Variants in PDGFD observed in about 807,000 individuals in gnomAD.
PDGFD encodes platelet derived growth factor D.
In PDGFD, 30 loss-of-function variants were observed where a neutral mutation model predicts 44.7. The ratio of observed to expected loss-of-function variants is 0.67; its 90% CI spans 0.50 to 0.91. The LOEUF is 0.91. PDGFD is among the 40% of genes least tolerant of loss of function. The pLI is 0.00. For synonymous variants in PDGFD, 173 were observed against 168.4 expected, an observed-to-expected ratio of 1.03 and a Z score of -0.21; for missense variants, 445 against 457.8, an observed-to-expected ratio of 0.97 and a Z score of 0.25.
intron 1 of PDGFD, among the ~76,000 whole-genome samples, chr11:104,044,706 A>T (rs1478251748): frequency 6.6e-6 from 1 of 152,164 alleles, no homozygotes; most frequent in African/African-American, 2.4e-5. Context: ...CTGCAGTGCC[A>T]TCTCATCCCA....
At chr11:103,946,917 AAAC>A (rs1024863253) in intron 4 of PDGFD, among the ~76,000 whole-genome samples, 2 of 151,982 alleles carry the variant, frequency 1.3e-5, no homozygotes, top group African/African-American at 4.8e-5. Flanking sequence ...TTAGGAAAAA[AAAC>A]AACAACTCTG....
intron 3 of PDGFD, among the ~76,000 whole-genome samples, chr11:103,977,914 C>T (rs564919648): frequency 6.6e-6 from 1 of 151,838 alleles, no homozygotes; most frequent in South Asian, 2.1e-4. Context: ...TGGTGAGGAA[C>T]CAGTAAAGTA....
intron 3 of PDGFD, among the ~76,000 whole-genome samples, chr11:103,973,807 G>A (rs1156665966): frequency 6.6e-6 from 1 of 152,170 alleles, no homozygotes; most frequent in African/African-American, 2.4e-5. Flanking sequence ...CAGGGTGTCT[G>A]GAGACAGAGT....
At chr11:104,020,458 T>C (rs544053676) in intron 1 of PDGFD, among the ~76,000 whole-genome samples, 5 of 152,272 alleles carry the variant, frequency 3.3e-5, no homozygotes, top group Non-Finnish European at 7.4e-5. Context: ...AAGAATGAGA[T>C]AATATGTATG....
At chr11:104,120,828 C>T (rs887685645) in intron 1 of PDGFD, among the ~76,000 whole-genome samples, 2 of 151,926 alleles carry the variant, frequency 1.3e-5, no homozygotes, top group Non-Finnish European at 2.9e-5. Context: ...AAGGAGCCTA[C>T]TACTGTGATT....
intron 1 of PDGFD, among the ~76,000 whole-genome samples, chr11:104,088,655 G>C (rs868049158): frequency 2.0e-4 from 31 of 152,308 alleles, no homozygotes; most frequent in Middle Eastern, 6.8e-3. Flanking sequence ...GAAGGCAGAT[G>C]GCTCCAGCAA....
At chr11:104,151,516 T>A (rs564545045) in intron 1 of PDGFD, among the ~76,000 whole-genome samples, 1 of 152,276 alleles carries the variant, frequency 6.6e-6, no homozygotes, top group South Asian at 2.1e-4. Context: ...TAGTTTAATT[T>A]ACATTCCCAA....
chr11:104,125,656 C>A (rs1291971634), intron 1 of PDGFD, among the ~76,000 whole-genome samples: 1 of 152,086 alleles, frequency 6.6e-6, no homozygotes, highest in African/African-American at 2.4e-5. Flanking sequence ...CCAGAATGTC[C>A]CACTACTGGG....
At chr11:103,999,232 G>A (rs573126897) in intron 2 of PDGFD, among the ~76,000 whole-genome samples, 1 of 151,868 alleles carries the variant, frequency 6.6e-6, no homozygotes, top group East Asian at 1.9e-4. Flanking sequence ...TTATTCAAAG[G>A]AAAATAAACC....
chr11:104,037,216 GAGA>G, intron 1 of PDGFD: 2 of 1,613,718 alleles, frequency 1.2e-6, no homozygotes, highest in South Asian at 2.2e-5. Context: ...GGCGTCAGGA[GAGA>G]AGGTGGCCGG....
intron 6 of PDGFD, among the ~76,000 whole-genome samples, chr11:103,912,227 G>T (rs186867616): frequency 6.6e-6 from 1 of 152,192 alleles, no homozygotes. Flanking sequence ...GGCAGCCAGA[G>T]AGAAAGGTTG....
chr11:104,043,671 G>C (rs1860395223), intron 1 of PDGFD, among the ~76,000 whole-genome samples: 1 of 152,216 alleles, frequency 6.6e-6, no homozygotes, highest in East Asian at 1.9e-4. Flanking sequence ...ACCAGCATCT[G>C]CTTCTGGTGA....
At chr11:104,131,367 G>A (rs932285462) in intron 1 of PDGFD, among the ~76,000 whole-genome samples, 3 of 152,156 alleles carry the variant, frequency 2.0e-5, no homozygotes, top group African/African-American at 7.2e-5. Flanking sequence ...CTTGCCAGTG[G>A]TGAGAAAGAC....
chr11:104,047,027 G>A (rs1391991858), intron 1 of PDGFD, among the ~76,000 whole-genome samples: 1 of 146,860 alleles, frequency 6.8e-6, no homozygotes, highest in African/African-American at 2.5e-5. Context: ...TGCTAAGAAT[G>A]ATGGTTTCCA....
rs985586910 is a variant in PDGFD, at chr11:103,968,973, C to A, written c.511-21249G>T. Reference sequence around the variant, plus strand: ...ATTCTCTTTGCATGGAAAGTTCTCCCAACTCTTTCCCATTTATCTAATTCC... The same window carrying A: ...ATTCTCTTTGCATGGAAAGTTCTCCAAACTCTTTCCCATTTATCTAATTCC... On this transcript the variant is annotated intron_variant, in intron 3 of 6. Transcript: ENST00000393158. Among the ~76,000 whole-genome samples the A allele has an allele frequency of 2.0e-5, 3 of 152,118 alleles. No individual in the cohort carries two copies. In the East Asian group the frequency reaches 5.8e-4, roughly 29 times the overall value.
At position 104,084,675 on chromosome 11, in the gene PDGFD, T is replaced by C. The variant is rs1363918030; in HGVS notation, c.124+79129A>G. ...AATTTTGTAATTATATAAATTATGATAAAATAATTATATAGTGTATAATTT... is the reference window on the plus strand; with the variant it reads ...AATTTTGTAATTATATAAATTATGACAAAATAATTATATAGTGTATAATTT... On this transcript the variant is annotated intron_variant, in intron 1 of 6. Transcript: ENST00000393158. Among the ~76,000 whole-genome samples the C allele has an allele frequency of 4.8e-5, 7 of 146,502 alleles. No individual in the cohort carries two copies. In the Admixed American group the frequency reaches 4.8e-4, roughly 10 times the overall value.
intron 1 of PDGFD, among the ~76,000 whole-genome samples, chr11:104,063,312 G>C (rs1280503948): frequency 6.6e-6 from 1 of 151,756 alleles, no homozygotes; most frequent in Non-Finnish European, 1.5e-5. Flanking sequence ...TTAGACGTGT[G>C]TGTGTGTGAG....
chr11:104,066,689 A>T (rs1173607204), intron 1 of PDGFD, among the ~76,000 whole-genome samples: 1 of 152,164 alleles, frequency 6.6e-6, no homozygotes, highest in Non-Finnish European at 1.5e-5. Flanking sequence ...ATATTCTTAA[A>T]CATATCTTAG....
intron 1 of PDGFD, chr11:104,036,774 A>G (rs751143633): frequency 2.7e-6 from 4 of 1,482,456 alleles, no homozygotes; most frequent in Admixed American, 1.8e-5. Context: ...CCAGCCCGCC[A>G]GTGAGCCGCC....
Sources: gnomAD v4.1 joint callset for allele counts (sites outside exome capture counted in the v4.1 genomes callset) on GRCh38, gnomAD v4.1.1 for gene constraint, MANE v1.5 for transcripts, NCBI Gene and HGNC (gene_info 2026-07-23, HGNC 2026-07-21) for gene names.